Variants in ABCC1 observed in about 807,000 individuals in gnomAD.
ABCC1 encodes ATP binding cassette subfamily C member 1 (ABCC1 blood group).
A neutral mutation model predicts 172.9 loss-of-function variants in ABCC1; 83 were observed. The observed-to-expected ratio is 0.48, with a 90% CI of 0.40 to 0.58. ABCC1 has a LOEUF of 0.58. ABCC1 is among the 20% of genes least tolerant of loss of function. The pLI is 0.00. For synonymous variants in ABCC1, 937 were observed against 825.2 expected (o/e 1.14, Z -2.32); for missense variants, 1,817 against 2,002.7 (o/e 0.91, Z 1.77).
intron 3 of ABCC1, among the ~76,000 whole-genome samples, chr16:16,011,428 C>T (rs931088060): frequency 3.9e-5 from 6 of 152,120 alleles, no homozygotes; most frequent in East Asian, 3.9e-4. Flanking sequence ...GGAAAGACAA[C>T]GTGGAGCCAG....
At chr16:16,096,258 C>G (rs2051476466) in intron 19 of ABCC1, among the ~76,000 whole-genome samples, 1 of 152,092 alleles carries the variant, frequency 6.6e-6, no homozygotes, top group Non-Finnish European at 1.5e-5. Flanking sequence ...AAAAAAACTC[C>G]CGAGAAAGAA....
chr16:16,016,373 C>G, intron 4 of ABCC1, 123 bp from the exon 5 acceptor site: 1 of 1,268,188 alleles, frequency 7.9e-7, no homozygotes, highest in Admixed American at 2.0e-5. Context: ...AGGATGGTCT[C>G]CAACTCTTGA....
intron 1 of ABCC1, among the ~76,000 whole-genome samples, chr16:15,975,540 G>GGTTTTTTTT (rs935816665): frequency 9.1e-6 from 1 of 110,194 alleles, no homozygotes; most frequent in Admixed American, 9.7e-5. Flanking sequence ...GTTTTGTGGT[G>GGTTTTTTTT]GTTTTTTTTG....
chr16:16,008,943 T>TCG (rs1555481061), intron 2 of ABCC1, among the ~76,000 whole-genome samples: 2 of 145,810 alleles, frequency 1.4e-5, no homozygotes, highest in Non-Finnish European at 3.0e-5. Context: ...TTTTTTTTTT[T>TCG]TTGTTGTTGT....
intron 1 of ABCC1, among the ~76,000 whole-genome samples, chr16:15,952,452 C>G (rs1014651438): frequency 6.6e-6 from 1 of 151,928 alleles, no homozygotes; most frequent in South Asian, 2.1e-4. Flanking sequence ...TACTGTCTGC[C>G]TCTGAGCCGC....
At chr16:16,064,380 G>C (rs1175885379) in intron 12 of ABCC1, among the ~76,000 whole-genome samples, 1 of 152,154 alleles carries the variant, frequency 6.6e-6, no homozygotes, top group African/African-American at 2.4e-5. Flanking sequence ...CCACTAGACT[G>C]TGCGTCTCAG....
chr16:16,039,261 G>GTTTTCT (rs1567338096), intron 7 of ABCC1, among the ~76,000 whole-genome samples: 4 of 98,596 alleles, frequency 4.1e-5, no homozygotes, highest in Non-Finnish European at 5.7e-5. Flanking sequence ...GTGTGTGTGT[G>GTTTTCT]TTTTCTTTTT....
intron 27 of ABCC1, among the ~76,000 whole-genome samples, chr16:16,132,256 C>G: frequency 6.6e-6 from 1 of 152,044 alleles, no homozygotes; most frequent in East Asian, 1.9e-4. Context: ...GTGGTGTGAT[C>G]TCAGCCCACT....
At chr16:15,988,455 C>A (rs1427635506) in intron 1 of ABCC1, among the ~76,000 whole-genome samples, 1 of 152,200 alleles carries the variant, frequency 6.6e-6, no homozygotes, top group East Asian at 1.9e-4. Context: ...TGTCCCCAGA[C>A]ATATCCCTAT....
chr16:16,042,698 A>T (rs2049022650), intron 7 of ABCC1, among the ~76,000 whole-genome samples: 1 of 125,162 alleles, frequency 8.0e-6, no homozygotes, highest in South Asian at 2.3e-4. Flanking sequence ...GCAAGACTCC[A>T]TCTCAAAAAA....
intron 1 of ABCC1, among the ~76,000 whole-genome samples, chr16:15,965,046 T>C (rs1384777270): frequency 6.6e-6 from 1 of 152,208 alleles, no homozygotes; most frequent in Non-Finnish European, 1.5e-5. Flanking sequence ...TGTTTTCCTA[T>C]TGGCATATTA....
In ABCC1 at chr16:16,106,865, A is replaced by T; in HGVS notation, c.2863A>T (p.Thr955Ser). 6.2e-7 allele frequency: 1 copy of T among 1,614,086 alleles called. No individual in the cohort carries two copies. Among genetic ancestry groups the T allele is most frequent in the Non-Finnish European group, 8.5e-7 (1 of 1,179,994 alleles). Residue 955 changes from threonine to serine, a missense_variant, in exon 21 of 31, where the codon ACA becomes TCA. Physicochemically the swap from Thr to Ser is moderately conservative, Grantham distance 58. This residue lies in a region of ABCC1 where 1,412 missense variants were observed against 1,600.3 expected (regional missense o/e 0.88). Coordinates refer to ENST00000399410, the MANE Select transcript of ABCC1 (RefSeq NM_004996.4). ...GCTGATGGAGGCTGACAAGGCGCAGACAGGGCAGGTGAGATTCGCTCCTTA... is the reference window on the plus strand; with the variant it reads ...GCTGATGGAGGCTGACAAGGCGCAGTCAGGGCAGGTGAGATTCGCTCCTTA... ...WKLMEADKAQ[T>S]GQVKLSVYWD...
chr16:15,980,048 A>G (rs2046585250), intron 1 of ABCC1, among the ~76,000 whole-genome samples: 1 of 152,164 alleles, frequency 6.6e-6, no homozygotes, highest in Non-Finnish European at 1.5e-5. Flanking sequence ...GACATCGAAA[A>G]AATAACATAT....
At chr16:15,998,959 T>A (rs1393364494) in intron 1 of ABCC1, among the ~76,000 whole-genome samples, 1 of 152,116 alleles carries the variant, frequency 6.6e-6, no homozygotes. Flanking sequence ...CCAGAACTCT[T>A]CCAAATGATG....
At chr16:16,012,920 T>A (rs1279920941) in intron 3 of ABCC1, among the ~76,000 whole-genome samples, 2 of 151,924 alleles carry the variant, frequency 1.3e-5, no homozygotes, top group African/African-American at 2.4e-5. Flanking sequence ...TGGCCTCAGG[T>A]GATCCACGTG....
chr16:16,056,393 C>G, intron 12 of ABCC1, 98 bp downstream of exon 12: 2 of 1,366,038 alleles, frequency 1.5e-6, no homozygotes, highest in African/African-American at 2.9e-5. Context: ...TGCCCAGGTG[C>G]AGTGGCTCAT....
intron 22 of ABCC1, among the ~76,000 whole-genome samples, chr16:16,111,935 A>G (rs1274860483): frequency 6.6e-6 from 1 of 152,082 alleles, no homozygotes; most frequent in Non-Finnish European, 1.5e-5. Context: ...TCATTTGCGG[A>G]CTTTTGCCTG....
chr16:16,123,709 C>T (rs2045272745), intron 24 of ABCC1, among the ~76,000 whole-genome samples: 1 of 151,866 alleles, frequency 6.6e-6, no homozygotes, highest in South Asian at 2.1e-4. Flanking sequence ...CATACTAAAC[C>T]TAGCTTTAAA....
chr16:16,056,500 C>T, intron 12 of ABCC1: 1 of 601,312 alleles, frequency 1.7e-6, no homozygotes, highest in Non-Finnish European at 2.9e-6. Context: ...AACCCAGTCT[C>T]TACTAAAAAT....
Sources: allele counts gnomAD v4.1 joint callset (sites outside exome capture counted in the v4.1 genomes callset), GRCh38; gene constraint gnomAD v4.1.1; regional missense constraint gnomAD v4.1.1; transcripts MANE v1.5; gene names NCBI Gene and HGNC (gene_info 2026-07-23, HGNC 2026-07-21).